PHLDB2: variants seen among roughly 807,000 people sequenced by gnomAD.
The protein encoded by PHLDB2 is pleckstrin homology-like domain family B member 2.
PHLDB2 carries 71 observed loss-of-function variants against 123.6 expected under a neutral mutation model. That is an observed-to-expected ratio of 0.57 (90% CI 0.47 to 0.70). The LOEUF is 0.70. Ranked by LOEUF, PHLDB2 falls within the 30% of genes least tolerant of loss-of-function variation. The probability of loss-of-function intolerance (pLI) is 0.00; values close to 1 mark genes in which losing one functional copy is unlikely to be tolerated. For synonymous variants in PHLDB2, 547 were observed against 541.6 expected (o/e 1.01, Z -0.14); for missense variants, 1,446 against 1,519.5 (o/e 0.95, Z 0.80).
rs143756243 is a variant in PHLDB2 at position 111,746,262 on chromosome 3, C to T, written c.-49+13559C>T. Reference sequence around the variant, plus strand: ...GTTGAGACACTTCCTACTGAGAGAACACAGAAAGTCTTTTATTTCCCTGAC... The same window carrying T: ...GTTGAGACACTTCCTACTGAGAGAATACAGAAAGTCTTTTATTTCCCTGAC... On this transcript the variant is annotated intron_variant, in intron 1 of 17. Transcript: ENST00000393923. 4.0e-3 allele frequency among the ~76,000 whole-genome samples: 607 copies of T among 152,300 alleles called. 3 individuals are homozygous for T. Among genetic ancestry groups the T allele is most frequent in the Admixed American group, 8.6e-3 (132 of 15,288 alleles).
intron 1 of PHLDB2, among the ~76,000 whole-genome samples, chr3:111,777,966 A>T (rs1311903975): frequency 6.6e-6 from 1 of 151,958 alleles, no homozygotes; most frequent in Non-Finnish European, 1.5e-5. Flanking sequence ...CATTTAACAA[A>T]CTCCAGCAGA....
At chr3:111,947,310 ATTG>A (rs199867856) in intron 9 of PHLDB2, among the ~76,000 whole-genome samples, 2,954 of 152,232 alleles carry the variant, frequency 0.019, 118 homozygotes, top group African/African-American at 0.068. Context: ...TTGTTTTACT[ATTG>A]TTGTGTATCT....
chr3:111,825,454 T>A (rs1157785707), intron 1 of PHLDB2, among the ~76,000 whole-genome samples: 1 of 152,162 alleles, frequency 6.6e-6, no homozygotes, highest in African/African-American at 2.4e-5. Flanking sequence ...CAAATCACAT[T>A]TCCTCTTTTG....
At chr3:111,903,164 G>A (rs1243206219) in intron 2 of PHLDB2, among the ~76,000 whole-genome samples, 2 of 152,164 alleles carry the variant, frequency 1.3e-5, no homozygotes, top group East Asian at 3.9e-4. Flanking sequence ...TCAGGTATTT[G>A]AATGATGCAT....
intron 2 of PHLDB2, among the ~76,000 whole-genome samples, chr3:111,901,359 CA>C (rs10710041): frequency 0.19 from 20,863 of 109,532 alleles, 1,423 homozygotes; most frequent in Non-Finnish European, 0.23. Flanking sequence ...GACTCTGTCT[CA>C]AAAAAAAAAA....
At chr3:111,973,251 C>A (rs715760) in intron 16 of PHLDB2, among the ~76,000 whole-genome samples, 77,418 of 151,626 alleles carry the variant, frequency 0.51, 20,086 homozygotes, top group East Asian at 0.7. Flanking sequence ...GGAAAAATCA[C>A]GCACCCTGAA....
intron 1 of PHLDB2, among the ~76,000 whole-genome samples, chr3:111,866,535 C>G (rs114016649): frequency 6.6e-6 from 1 of 152,166 alleles, no homozygotes; most frequent in African/African-American, 2.4e-5. Context: ...GTCTTTTGAT[C>G]AGTAGTGTGG....
intron 1 of PHLDB2, among the ~76,000 whole-genome samples, chr3:111,793,421 C>T (rs2061016329): frequency 6.6e-6 from 1 of 152,054 alleles, no homozygotes; most frequent in African/African-American, 2.4e-5. Flanking sequence ...TGGGTCTCTC[C>T]CTTCAGGGCA....
chr3:111,845,397 G>A (rs1360701614), intron 1 of PHLDB2, among the ~76,000 whole-genome samples: 2 of 123,290 alleles, frequency 1.6e-5, no homozygotes, highest in African/African-American at 6.1e-5. Context: ...TATGGGATTT[G>A]TAAAAAGTAG....
intron 2 of PHLDB2, among the ~76,000 whole-genome samples, chr3:111,849,607 T>A (rs530597365): frequency 6.6e-5 from 10 of 152,378 alleles, no homozygotes; most frequent in South Asian, 4.1e-4. Flanking sequence ...GCACAGCAAG[T>A]GAATTTTGAT....
Position 111,844,725 on chromosome 3 carries a change from T to C in PHLDB2, c.-48-1096T>C, listed in dbSNP as rs147332819. ...TTAGCATTTGAATAGGAGATGGTGATTGTCCCCTTATTAGGTAATGTACAT... is the reference window on the plus strand; with the variant it reads ...TTAGCATTTGAATAGGAGATGGTGACTGTCCCCTTATTAGGTAATGTACAT... On this transcript the variant is annotated intron_variant, in intron 1 of 17. Transcript: ENST00000393923. 3.3e-4 allele frequency among the ~76,000 whole-genome samples: 50 copies of C among 152,346 alleles called. No individual in the cohort carries two copies. The East Asian group carries it at 7.1e-3, about 22-fold the overall frequency.
intron 1 of PHLDB2, among the ~76,000 whole-genome samples, chr3:111,754,063 T>G (rs2059835758): frequency 1.3e-5 from 2 of 152,096 alleles, no homozygotes; most frequent in African/African-American, 2.4e-5. Flanking sequence ...CCTTGTAGTA[T>G]AGTTTGAAGT....
chr3:111,809,507 T>A (rs898717848), intron 1 of PHLDB2, among the ~76,000 whole-genome samples: 2 of 152,180 alleles, frequency 1.3e-5, no homozygotes, highest in Non-Finnish European at 2.9e-5. Context: ...TCTTCTTTTC[T>A]CCACAAACAC....
At chr3:111,876,222 AG>A (rs1260163164) in intron 1 of PHLDB2, among the ~76,000 whole-genome samples, 1 of 152,174 alleles carries the variant, frequency 6.6e-6, no homozygotes, top group Admixed American at 6.5e-5. Context: ...AAAATGAGGA[AG>A]GGGGTGCTAG....
intron 1 of PHLDB2, among the ~76,000 whole-genome samples, chr3:111,836,151 C>T (rs1424324940): frequency 6.6e-6 from 1 of 152,124 alleles, no homozygotes; most frequent in Non-Finnish European, 1.5e-5. Flanking sequence ...GAACAACTTA[C>T]AGAATAAAAC....
chr3:111,825,631 AG>A (rs1362498911), intron 1 of PHLDB2, among the ~76,000 whole-genome samples: 1 of 152,164 alleles, frequency 6.6e-6, no homozygotes, highest in Non-Finnish European at 1.5e-5. Flanking sequence ...TATTTTTAGT[AG>A]AGACAAGATT....
At chr3:111,786,807 C>T (rs1021256850) in intron 1 of PHLDB2, among the ~76,000 whole-genome samples, 1 of 152,048 alleles carries the variant, frequency 6.6e-6, no homozygotes, top group African/African-American at 2.4e-5. Flanking sequence ...GCCTAAGATC[C>T]TATAATTCTA....
chr3:111,927,452 C>T (rs546669604), intron 5 of PHLDB2, among the ~76,000 whole-genome samples: 4 of 152,220 alleles, frequency 2.6e-5, no homozygotes, highest in East Asian at 3.9e-4. Context: ...CAAACCTGAC[C>T]GCATATCTAA....
Position 111,962,168 on chromosome 3 carries a change from C to G in PHLDB2, c.2933C>G (p.Thr978Arg), listed in dbSNP as rs772281821. Reference protein sequence around the residue: ...HRQKSEFYNRTASESNVYLNS... With the variant: ...HRQKSEFYNRRASESNVYLNS... ...CAGAAATCTGAATTTTATAACCGCA[C>G]AGCATCTGAATCAAATGTCTACTTG... Residue 978 changes from threonine to arginine, a missense_variant, in exon 13 of 18, where the codon ACA (threonine) becomes AGA (arginine). Transcript: ENST00000431670. 6.3e-7 allele frequency: 1 copy of G among 1,585,808 alleles called. No individual in the cohort carries two copies. Among genetic ancestry groups the G allele is most frequent in the Non-Finnish European group, 8.5e-7 (1 of 1,172,184 alleles).
Sources: gnomAD v4.1 joint callset for allele counts (sites outside exome capture counted in the v4.1 genomes callset) on GRCh38, gnomAD v4.1.1 for gene constraint, MANE v1.5 for transcripts, NCBI Gene and HGNC (gene_info 2026-07-23, HGNC 2026-07-21) for gene names.